The following MBNL3 variants were observed in gnomAD, a reference collection of about 807,000 sequenced individuals.
MBNL3 encodes muscleblind like splicing regulator 3.
Under a neutral mutation model 24.5 loss-of-function variants are expected in MBNL3, and 6 were observed. That is an observed-to-expected ratio of 0.25 (90% CI 0.13 to 0.48). MBNL3 has a LOEUF of 0.48. Ranked by LOEUF, MBNL3 falls within the 20% of genes least tolerant of loss-of-function variation. The pLI is 0.99. For synonymous variants in MBNL3, 100 were observed against 101.7 expected (o/e 0.98, Z 0.10); for missense variants, 230 against 293.5 (o/e 0.78, Z 1.58).
chrX:132,447,990 C>T (rs1945827633), intron 1 of MBNL3, among the ~76,000 whole-genome samples: 1 of 112,094 alleles, frequency 8.9e-6, no homozygotes, highest in East Asian at 2.8e-4. Flanking sequence ...AAGGCCTTTT[C>T]TGCATCTATT....
At chrX:132,396,784 T>A (rs867592841) in intron 3 of MBNL3, among the ~76,000 whole-genome samples, 1 of 31,167 alleles carries the variant, frequency 3.2e-5, no homozygotes, top group Non-Finnish European at 4.7e-5. Context: ...ATATATATAT[T>A]CATATATATA....
intron 3 of MBNL3, among the ~76,000 whole-genome samples, chrX:132,404,666 A>G (rs1941496591): frequency 8.9e-6 from 1 of 111,870 alleles, no homozygotes; most frequent in Non-Finnish European, 1.9e-5. Context: ...TTAGTGATTC[A>G]TCATTGCCTC....
intron 1 of MBNL3, among the ~76,000 whole-genome samples, chrX:132,480,579 G>C (rs778351777): frequency 4.5e-5 from 5 of 111,754 alleles, no homozygotes; most frequent in Non-Finnish European, 9.4e-5. Context: ...GTTTGTCCCT[G>C]TTAGGAAAAG....
At chrX:132,484,525 A>T (rs971956921) in intron 1 of MBNL3, among the ~76,000 whole-genome samples, 4 of 111,637 alleles carry the variant, frequency 3.6e-5, no homozygotes, top group African/African-American at 1.3e-4. Flanking sequence ...AATGCCAAGA[A>T]GCTCAGGATT....
In MBNL3 at chrX:132,439,725, G is replaced by A. The variant is rs1945307139; in HGVS notation, c.-114C>T. 9.8e-7 allele frequency: 1 copy of A among 1,022,524 alleles called. No individual in the cohort carries two copies. Among genetic ancestry groups the A allele is most frequent in the East Asian group, 3.5e-5 (1 of 28,200 alleles). The allele number at this position is 1,022,524 out of a possible 1,213,427, so 84.3% of individuals were successfully genotyped here. A position where few individuals can be genotyped will look rare whatever the true frequency, so the allele number is the denominator to read the frequency against. ...TGCGAAGAGATAACAGGTTGCTTTG[G>A]TGAAATGTCTATTTGTTAACACTTA... On this transcript the variant is annotated 5_prime_UTR_variant, in exon 2 of 9. Transcript: ENST00000370853.
intron 3 of MBNL3, among the ~76,000 whole-genome samples, chrX:132,395,108 C>G (rs1283360198): frequency 9.0e-6 from 1 of 111,538 alleles, no homozygotes; most frequent in Non-Finnish European, 1.9e-5. Flanking sequence ...GAGGCAGGAA[C>G]TCCTGAGTGG....
chrX:132,411,314 A>G, intron 2 of MBNL3: 1 of 754,208 alleles, frequency 1.3e-6, no homozygotes, highest in Non-Finnish European at 1.6e-6. Context: ...AGAGCAGAAG[A>G]ATTTTCTTGC....
intron 1 of MBNL3, among the ~76,000 whole-genome samples, chrX:132,461,065 C>A (rs773021293): frequency 8.9e-6 from 1 of 111,998 alleles, no homozygotes; most frequent in South Asian, 3.7e-4. Flanking sequence ...GCTGCAATGA[C>A]TCAATTTTTA....
chrX:132,470,543 T>C (rs1473336255), intron 1 of MBNL3, among the ~76,000 whole-genome samples: 2 of 111,763 alleles, frequency 1.8e-5, no homozygotes, highest in Non-Finnish European at 3.8e-5. Flanking sequence ...GTCTCCTAAA[T>C]GAGACATTCC....
intron 2 of MBNL3, among the ~76,000 whole-genome samples, chrX:132,421,397 G>T (rs1452687400): frequency 6.3e-5 from 7 of 110,976 alleles, no homozygotes; most frequent in African/African-American, 2.3e-4. Context: ...CCTAGGGAGA[G>T]AATTTATATA....
At chrX:132,461,744 C>A (rs1245075592) in intron 1 of MBNL3, among the ~76,000 whole-genome samples, 1 of 111,934 alleles carries the variant, frequency 8.9e-6, no homozygotes, top group African/African-American at 3.2e-5. Flanking sequence ...AAAAAATAAT[C>A]ATTGCAAGGT....
intron 1 of MBNL3, among the ~76,000 whole-genome samples, chrX:132,447,547 T>G (rs1296634476): frequency 8.9e-6 from 1 of 111,917 alleles, no homozygotes; most frequent in Admixed American, 9.5e-5. Flanking sequence ...ATGATTTGCC[T>G]CTGTTTGTCT....
intron 7 of MBNL3, among the ~76,000 whole-genome samples, chrX:132,382,783 T>G (rs1038149913): frequency 8.9e-6 from 1 of 112,092 alleles, no homozygotes; most frequent in Non-Finnish European, 1.9e-5. Flanking sequence ...CAGTTATATG[T>G]ATACTTACCT....
At chrX:132,439,304 GT>G in intron 2 of MBNL3, 130 bp downstream of exon 2, 2 of 722,818 alleles carry the variant, frequency 2.8e-6, no homozygotes, top group East Asian at 3.8e-5. Flanking sequence ...TTGACATTCT[GT>G]TTTTTTGTTA....
At chrX:132,464,493 G>C (rs1470358616) in intron 1 of MBNL3, among the ~76,000 whole-genome samples, 2 of 111,921 alleles carry the variant, frequency 1.8e-5, no homozygotes, top group East Asian at 5.6e-4. Flanking sequence ...TAAAATAACA[G>C]TAAAGAATGA....
intron 2 of MBNL3, among the ~76,000 whole-genome samples, chrX:132,427,374 A>C (rs1944391431): frequency 1.8e-5 from 2 of 111,304 alleles, no homozygotes; most frequent in African/African-American, 3.3e-5. Flanking sequence ...TTTTTTGGTT[A>C]GTAAAAAAAG....
chrX:132,475,884 T>C (rs1231165254), intron 1 of MBNL3, among the ~76,000 whole-genome samples: 1 of 111,853 alleles, frequency 8.9e-6, no homozygotes, highest in Non-Finnish European at 1.9e-5. Flanking sequence ...ACATCTTACA[T>C]GGTTAAATTC....
intron 1 of MBNL3, among the ~76,000 whole-genome samples, chrX:132,446,257 C>T (rs1465908924): frequency 5.4e-5 from 6 of 111,989 alleles, no homozygotes; most frequent in Non-Finnish European, 1.1e-4. Flanking sequence ...AATAAACATA[C>T]ATGTGCATGT....
intron 8 of MBNL3, chrX:132,381,464 T>C (rs890524090): frequency 2.5e-5 from 23 of 925,307 alleles, no homozygotes; most frequent in Middle Eastern, 2.8e-4. Flanking sequence ...TAGATTAAAA[T>C]AGTTTCTTGG....
Sources: allele counts gnomAD v4.1 joint callset (sites outside exome capture counted in the v4.1 genomes callset), GRCh38; gene constraint gnomAD v4.1.1; transcripts MANE v1.5; gene names NCBI Gene and HGNC (gene_info 2026-07-23, HGNC 2026-07-21).